The following ALG9 variants were observed in gnomAD, a reference collection of about 807,000 sequenced individuals.
ALG9 encodes the protein ALG9 alpha-1,2-mannosyltransferase, also known as alpha-1,2-mannosyltransferase ALG9.
In ALG9, 55 loss-of-function variants were observed where a neutral mutation model predicts 81.8. The observed-to-expected ratio is 0.67, with a 90% CI of 0.54 to 0.84. The LOEUF (loss-of-function observed/expected upper bound fraction) is 0.84, where lower values mean the gene tolerates loss of function less well. ALG9 is among the 40% of genes least tolerant of loss of function. ALG9 has a pLI of 0.00. For missense variants in ALG9, 629 were observed against 745.0 expected, an observed-to-expected ratio of 0.84 and a Z score of 1.81; for synonymous variants, 278 against 274.3, an observed-to-expected ratio of 1.01 and a Z score of -0.13.
At chr11:111,847,789 G>A (rs562590560) in intron 8 of ALG9, among the ~76,000 whole-genome samples, 12 of 152,212 alleles carry the variant, frequency 7.9e-5, no homozygotes, top group African/African-American at 2.6e-4. Flanking sequence ...CTGGTACAGC[G>A]CTCCCATGTA....
chr11:111,862,382 T>C (rs1960573778), intron 4 of ALG9, among the ~76,000 whole-genome samples: 1 of 151,962 alleles, frequency 6.6e-6, no homozygotes, highest in South Asian at 2.1e-4. Context: ...TATAGGCATG[T>C]GCCACCACAC....
chr11:111,831,114 G>A (rs1954292141), intron 13 of ALG9, among the ~76,000 whole-genome samples: 1 of 152,054 alleles, frequency 6.6e-6, no homozygotes, highest in Admixed American at 6.6e-5. Context: ...CATCTCGGCT[G>A]ACTGCAACCT....
intron 8 of ALG9, among the ~76,000 whole-genome samples, chr11:111,845,004 C>A (rs563229266): frequency 6.6e-6 from 1 of 152,324 alleles, no homozygotes; most frequent in South Asian, 2.1e-4. Context: ...AATTGCTATG[C>A]CCCAATGGAA....
chr11:111,815,313 G>A (rs1481599457), intron 13 of ALG9, among the ~76,000 whole-genome samples: 1 of 152,232 alleles, frequency 6.6e-6, no homozygotes, highest in African/African-American at 2.4e-5. Flanking sequence ...TCTGAGGCGG[G>A]AGGATCGCTT....
chr11:111,836,251 G>C lies in ALG9; in HGVS notation c.1516C>G (p.Pro506Ala). 6.2e-7 allele frequency: 1 copy of C among 1,614,002 alleles called. No individual in the cohort carries two copies. Among genetic ancestry groups the C allele is most frequent in the East Asian group, 2.2e-5 (1 of 44,876 alleles). The stretch of plus-strand genomic sequence containing the variant: ...AGAGGTCCTTCTGCAAAAGGTTTTG[G>C]TAACTGACCTCTGAACTCTGATGGA... ...FIPSEFRGQLPKPFAEGPLAT... is the reference protein window; with the variant it reads ...FIPSEFRGQLAKPFAEGPLAT... The change falls in exon 13 of 15, where the codon CCA becomes GCA. Residue 506 changes from proline (P) to alanine (A), a missense_variant. Pro to Ala is a conservative substitution (Grantham distance 27). Coordinates refer to ENST00000616540, the MANE Select transcript of ALG9 (RefSeq NM_024740.2).
chr11:111,808,661 C>A (rs1304273525), intron 14 of ALG9, among the ~76,000 whole-genome samples: 2 of 152,328 alleles, frequency 1.3e-5, no homozygotes, highest in Non-Finnish European at 2.9e-5. Context: ...TGGGCCCAGT[C>A]CGTTTCTGAG....
chr11:111,836,283 T>C lies in ALG9; in HGVS notation c.1484A>G (p.Gln495Arg). The change falls in exon 13 of 15, where the codon CAG becomes CGG. Residue 495 changes from glutamine (Q) to arginine (R), a missense_variant. This residue lies in a region of ALG9 where 264 missense variants were observed against 302.2 expected (regional missense o/e 0.87). Transcript: ENST00000616540. Reference sequence around the variant, plus strand: ...ACCTCTGAACTCTGATGGAATGAACTGAAGCTGCCAACTGTCAGAAACACA... The same window carrying C: ...ACCTCTGAACTCTGATGGAATGAACCGAAGCTGCCAACTGTCAGAAACACA... ...SFLLPDNWQL[Q>R]FIPSEFRGQL... The C allele has an allele frequency of 1.2e-6, 2 of 1,614,094 alleles. No homozygotes were observed. Among genetic ancestry groups the C allele is most frequent in the East Asian group, 4.5e-5 (2 of 44,876 alleles).
chr11:111,792,798 GA>G (rs1240179313), intron 14 of ALG9, among the ~76,000 whole-genome samples: 3 of 152,132 alleles, frequency 2.0e-5, no homozygotes, highest in Non-Finnish European at 2.9e-5. Context: ...TGTGGCACTG[GA>G]AAAAAATCCT....
chr11:111,776,600 C>T, the ALG9 span, among the ~76,000 whole-genome samples: 1 of 151,964 alleles, frequency 6.6e-6, no homozygotes, highest in African/African-American at 2.4e-5. Context: ...AAAACAAAAA[C>T]AAAACAAAAC....
intron 13 of ALG9, among the ~76,000 whole-genome samples, chr11:111,833,254 TAA>T (rs1954692482): frequency 6.6e-6 from 1 of 152,162 alleles, no homozygotes; most frequent in East Asian, 1.9e-4. Context: ...TTTCAAGAAC[TAA>T]AGAGGTGACA....
At chr11:111,773,479 A>G in the ALG9 span, among the ~76,000 whole-genome samples, 4 of 152,004 alleles carry the variant, frequency 2.6e-5, no homozygotes, top group Non-Finnish European at 4.4e-5. Context: ...TCCTGAACTC[A>G]GGTGATTCGC....
intron 8 of ALG9, among the ~76,000 whole-genome samples, chr11:111,848,684 C>A (rs1555133530): frequency 6.6e-6 from 1 of 151,954 alleles, no homozygotes; most frequent in East Asian, 1.9e-4. Flanking sequence ...TCATCTTGCT[C>A]ATGTCTGAAT....
At chr11:111,775,102 C>T in the ALG9 span, among the ~76,000 whole-genome samples, 1 of 152,150 alleles carries the variant, frequency 6.6e-6, no homozygotes, top group Non-Finnish European at 1.5e-5. Flanking sequence ...ATCATCATGT[C>T]TTGTACTAGA....
At chr11:111,788,723 A>G (rs1047525992) in intron 14 of ALG9, among the ~76,000 whole-genome samples, 17 of 152,046 alleles carry the variant, frequency 1.1e-4, no homozygotes, top group Non-Finnish European at 4.4e-5. Flanking sequence ...ACTACACTCC[A>G]GCCTGGGTGA....
intron 12 of ALG9, 123 bp from the exon 13 acceptor site, chr11:111,836,417 T>G: frequency 7.6e-7 from 1 of 1,311,608 alleles, no homozygotes; most frequent in South Asian, 1.3e-5. Flanking sequence ...ATATTTCTGC[T>G]AAAACCTCAA....
At chr11:111,803,393 C>T (rs932675662) in intron 14 of ALG9, among the ~76,000 whole-genome samples, 13 of 151,214 alleles carry the variant, frequency 8.6e-5, no homozygotes, top group Non-Finnish European at 1.6e-4. Context: ...CCCAGTTACT[C>T]GGGTGGCTGA....
At chr11:111,792,132 G>A (rs550552363) in intron 14 of ALG9, among the ~76,000 whole-genome samples, 201 of 152,336 alleles carry the variant, frequency 1.3e-3, no homozygotes, top group Non-Finnish European at 1.9e-3. Context: ...ATCCTAGGAA[G>A]CCCTAGGTTT....
In ALG9 at chr11:111,783,829, G is replaced by A. The variant is rs371690267; in HGVS notation, c.*2568C>T. On this transcript the variant is annotated 3_prime_UTR_variant, in exon 15 of 15. Transcript: ENST00000616540. ...CATAGAACAGAGAGATCCAAAATCA[G>A]GTTTTAAAAGTGATAGGAACTGATA... 1.5e-4 allele frequency: 23 copies of A among 151,762 alleles called. No homozygotes were observed. Among genetic ancestry groups the A allele is most frequent in the East Asian group, 9.7e-4 (5 of 5,178 alleles). The allele number at this position is 151,762 out of a possible 1,614,324, so 9.4% of individuals were successfully genotyped here.
At chr11:111,863,659 A>G (rs577181718) in intron 4 of ALG9, among the ~76,000 whole-genome samples, 13 of 152,336 alleles carry the variant, frequency 8.5e-5, no homozygotes, top group African/African-American at 2.9e-4. Flanking sequence ...GTTATCATGT[A>G]AAAAAGGTGG....
Sources: allele counts gnomAD v4.1 joint callset (sites outside exome capture counted in the v4.1 genomes callset), GRCh38; gene constraint gnomAD v4.1.1; regional missense constraint gnomAD v4.1.1; transcripts MANE v1.5; gene names NCBI Gene and HGNC (gene_info 2026-07-23, HGNC 2026-07-21).